ATP8A2: variants seen among roughly 807,000 people sequenced by gnomAD.
ATP8A2 encodes phospholipid-transporting ATPase IB.
A neutral mutation model predicts 165.6 loss-of-function variants in ATP8A2; 100 were observed. The observed-to-expected ratio is 0.60, with a 90% CI of 0.51 to 0.71. The LOEUF (loss-of-function observed/expected upper bound fraction) is 0.71, where lower values mean the gene tolerates loss of function less well. Ranked by LOEUF, ATP8A2 falls within the 30% of genes least tolerant of loss-of-function variation. ATP8A2 has a pLI of 0.00. For missense variants in ATP8A2, 1,227 were observed against 1,479.5 expected, an observed-to-expected ratio of 0.83 and a Z score of 2.80; for synonymous variants, 543 against 548.8, an observed-to-expected ratio of 0.99 and a Z score of 0.15.
chr13:25,510,087 A>G (rs577720715), intron 2 of ATP8A2, among the ~76,000 whole-genome samples: 1 of 151,908 alleles, frequency 6.6e-6, no homozygotes, highest in East Asian at 1.9e-4. Context: ...TAAATATTTT[A>G]TGTGACCAGC....
At chr13:25,716,672 A>G (rs2043262178) in intron 25 of ATP8A2, among the ~76,000 whole-genome samples, 1 of 152,182 alleles carries the variant, frequency 6.6e-6, no homozygotes, top group Non-Finnish European at 1.5e-5. Flanking sequence ...ATGAGAATAG[A>G]AGTGGGGAGA....
chr13:25,972,762 A>G (rs1370989640), intron 35 of ATP8A2, among the ~76,000 whole-genome samples: 1 of 152,174 alleles, frequency 6.6e-6, no homozygotes, highest in African/African-American at 2.4e-5. Flanking sequence ...AGTGTAAGCC[A>G]TGCAAATTTC....
At position 25,785,871 on chromosome 13, in the gene ATP8A2, C is replaced by T. The variant is rs78535757; in HGVS notation, c.2679+10912C>T. Among the ~76,000 whole-genome samples, 561 of 152,278 alleles carry T rather than the reference C, an allele frequency of 3.7e-3. 5 individuals are homozygous for T. The highest frequency in any genetic ancestry group is 0.011 in the African/African-American group (477 of 41,568). On this transcript the variant is annotated intron_variant, in intron 27 of 36. Transcript: ENST00000381655. ...ATAAAGGAAGGAGGACACGGGAATTCGTGACGTATCACTACCATGATGGAA... is the reference window on the plus strand; with the variant it reads ...ATAAAGGAAGGAGGACACGGGAATTTGTGACGTATCACTACCATGATGGAA...
At chr13:25,418,528 A>T (rs1650612448) in intron 1 of ATP8A2, among the ~76,000 whole-genome samples, 1 of 152,122 alleles carries the variant, frequency 6.6e-6, no homozygotes, top group South Asian at 2.1e-4. Context: ...TTAAAGAGAG[A>T]ACTGGGAAGA....
intron 1 of ATP8A2, among the ~76,000 whole-genome samples, chr13:25,415,028 T>C (rs751527758): frequency 3.9e-5 from 6 of 152,150 alleles, no homozygotes; most frequent in African/African-American, 1.2e-4. Flanking sequence ...AGGGAGATGG[T>C]ATAGAGAGAT....
chr13:25,596,709 A>C (rs2138342927), intron 24 of ATP8A2, among the ~76,000 whole-genome samples: 1 of 152,322 alleles, frequency 6.6e-6, no homozygotes, highest in South Asian at 2.1e-4. Flanking sequence ...GTTATTATGA[A>C]TAAAGCTGCT....
intron 24 of ATP8A2, among the ~76,000 whole-genome samples, chr13:25,649,609 T>C (rs893728215): frequency 6.6e-6 from 1 of 152,152 alleles, no homozygotes; most frequent in Non-Finnish European, 1.5e-5. Context: ...CTGCATTGGT[T>C]GTCTCCCTGC....
At chr13:25,401,590 T>C (rs2033637317) in intron 1 of ATP8A2, among the ~76,000 whole-genome samples, 2 of 152,116 alleles carry the variant, frequency 1.3e-5, no homozygotes, top group Admixed American at 1.3e-4. Context: ...TCAGGTTAGG[T>C]TGTGAGTGAC....
intron 24 of ATP8A2, among the ~76,000 whole-genome samples, chr13:25,689,029 A>G (rs962039936): frequency 6.6e-6 from 1 of 152,248 alleles, no homozygotes; most frequent in African/African-American, 2.4e-5. Context: ...GCCTGGGCAC[A>G]TTATAATTTT....
chr13:25,659,855 A>C (rs1240979463), intron 24 of ATP8A2, among the ~76,000 whole-genome samples: 1 of 152,162 alleles, frequency 6.6e-6, no homozygotes, highest in African/African-American at 2.4e-5. Flanking sequence ...CTGTGCCTTT[A>C]GGGAAATTTT....
chr13:25,735,282 C>T (rs568466041), intron 25 of ATP8A2, among the ~76,000 whole-genome samples: 2 of 151,970 alleles, frequency 1.3e-5, no homozygotes, highest in South Asian at 4.2e-4. Context: ...TGTTTTGAGA[C>T]AGGGTCTTGC....
intron 1 of ATP8A2, among the ~76,000 whole-genome samples, chr13:25,460,896 A>G (rs1593339184): frequency 6.6e-6 from 1 of 152,162 alleles, no homozygotes; most frequent in African/African-American, 2.4e-5. Context: ...ACTGGCAGCC[A>G]TCTTTGTGCT....
chr13:25,969,726 T>A (rs1250278363), intron 35 of ATP8A2, among the ~76,000 whole-genome samples: 1 of 152,224 alleles, frequency 6.6e-6, no homozygotes, highest in Non-Finnish European at 1.5e-5. Context: ...TATGAGTTAT[T>A]TTTTAGTAAG....
intron 33 of ATP8A2, among the ~76,000 whole-genome samples, chr13:25,946,505 G>C (rs1955216266): frequency 6.6e-6 from 1 of 152,196 alleles, no homozygotes; most frequent in South Asian, 2.1e-4. Flanking sequence ...CACGTCGCCA[G>C]TGGATGTCCT....
intron 35 of ATP8A2, among the ~76,000 whole-genome samples, chr13:25,977,475 CTGTT>C (rs1324515536): frequency 2.0e-5 from 3 of 152,126 alleles, no homozygotes; most frequent in African/African-American, 2.4e-5. Context: ...CTTCTGGTGA[CTGTT>C]TGCATCCTGG....
chr13:25,614,267 A>G (rs928309822), intron 24 of ATP8A2, among the ~76,000 whole-genome samples: 5 of 152,078 alleles, frequency 3.3e-5, no homozygotes, highest in African/African-American at 4.8e-5. Context: ...TTTGTCTTCA[A>G]GCTCTGAAGT....
intron 24 of ATP8A2, among the ~76,000 whole-genome samples, chr13:25,590,899 A>ACTGG (rs2040054829): frequency 6.6e-6 from 1 of 152,086 alleles, no homozygotes; most frequent in Non-Finnish European, 1.5e-5. Context: ...CCAAGGCACC[A>ACTGG]CTGGCAAGAG....
intron 36 of ATP8A2, among the ~76,000 whole-genome samples, chr13:26,013,513 A>G (rs951073023): frequency 3.3e-5 from 5 of 152,146 alleles, no homozygotes; most frequent in Non-Finnish European, 7.4e-5. Flanking sequence ...CGTCTCTACT[A>G]AAAATACAAA....
intron 1 of ATP8A2, among the ~76,000 whole-genome samples, chr13:25,427,086 G>A (rs779188159): frequency 6.6e-6 from 1 of 152,224 alleles, no homozygotes; most frequent in Non-Finnish European, 1.5e-5. Flanking sequence ...CTCTACATCA[G>A]GGGTTCCCCC....
Sources: allele counts gnomAD v4.1 joint callset (sites outside exome capture counted in the v4.1 genomes callset), GRCh38; gene constraint gnomAD v4.1.1; transcripts MANE v1.5; gene names NCBI Gene and HGNC (gene_info 2026-07-23, HGNC 2026-07-21).